Variants in NYNRIN observed in about 807,000 individuals in gnomAD.
The protein encoded by NYNRIN is protein NYNRIN.
In NYNRIN, 86 loss-of-function variants were observed where a neutral mutation model predicts 146.6. The ratio of observed to expected loss-of-function variants is 0.59; its 90% CI spans 0.49 to 0.70. The LOEUF (loss-of-function observed/expected upper bound fraction) is 0.70. NYNRIN is among the 30% of genes least tolerant of loss of function. NYNRIN has a pLI of 0.00. For missense variants in NYNRIN, 2,191 were observed against 2,377.7 expected, an observed-to-expected ratio of 0.92 and a Z score of 1.63; for synonymous variants, 1,027 against 1,001.3, an observed-to-expected ratio of 1.03 and a Z score of -0.48.
At chr14:24,399,520 G>A (rs1341279040) in intron 2 of NYNRIN, 76 bp downstream of exon 2, 3 of 1,333,512 alleles carry the variant, frequency 2.2e-6, no homozygotes, top group Non-Finnish European at 2.1e-6. Context: ...GGAGATGGTG[G>A]TCCGCAGAGA....
In NYNRIN at chr14:24,417,441, C is replaced by A. The variant is rs1280678219; in HGVS notation, c.5692C>A (p.Gln1898Lys). Reference sequence around the variant, plus strand: ...CCCGCTGTCCTTCAAGGTCTTGGAGCAGTGAGCGGGAGCAGCGGGGGTGCC... The same window carrying A: ...CCCGCTGTCCTTCAAGGTCTTGGAGAAGTGAGCGGGAGCAGCGGGGGTGCC... ...GTPLSFKVLE[Q>K] The change falls in exon 9 of 9, where the codon CAG becomes AAG. Residue 1898 changes from glutamine to lysine, a missense_variant. Coordinates refer to ENST00000382554, the MANE Select transcript of NYNRIN (RefSeq NM_025081.3). 6 of 1,484,658 alleles carry A rather than the reference C, an allele frequency of 4.0e-6. No homozygotes were observed. The highest frequency in any genetic ancestry group is 5.4e-6 in the Non-Finnish European group (6 of 1,116,194). 92.0% of individuals were successfully genotyped at this position (1,484,658 alleles called of 1,614,324 possible). A position where few individuals can be genotyped will look rare whatever the true frequency, so the allele number is the denominator to read the frequency against.
rs2042953377 is a variant in NYNRIN at position 24,417,092 on chromosome 14, TGAAGGGCTCAA to T, written c.5346_5356del (p.Glu1782AspfsTer21). 1 of 1,613,426 alleles carries T rather than the reference TGAAGGGCTCAA, an allele frequency of 6.2e-7. No homozygotes were observed. The highest frequency in any genetic ancestry group is 8.5e-7 in the Non-Finnish European group (1 of 1,179,622). On this transcript the variant is annotated frameshift_variant, in exon 9 of 9. Transcript: ENST00000382554. LOFTEE classifies it high-confidence loss of function. ...GGTGGGAGATGAGCAGCGCAAACATTGAAGGGCTCAAGATGGACGTCTTCCTGCTACAGCTG... is the reference window on the plus strand; with the variant it reads ...GGTGGGAGATGAGCAGCGCAAACATTGATGGACGTCTTCCTGCTACAGCTG...
rs776592865 is a variant in NYNRIN at position 24,408,853 on chromosome 14, G to T, written c.1059G>T (p.Gly353=). 1 of 1,614,032 alleles carries T rather than the reference G, an allele frequency of 6.2e-7. No individual in the cohort carries two copies. The highest frequency in any genetic ancestry group is 1.7e-5 in the Admixed American group (1 of 60,020). The change falls in exon 4 of 9, where the codon GGG becomes GGT. Residue 353 remains glycine, a synonymous_variant. Coordinates refer to ENST00000382554, the MANE Select transcript of NYNRIN (RefSeq NM_025081.3). ...VCPPWKAWTP[G]PAFGPLWPGA... ...CACCCTGGAAGGCCTGGACCCCGGG[G>T]CCAGCCTTTGGGCCATTGTGGCCGG... is the stretch of plus-strand genomic sequence containing the variant.
In NYNRIN at chr14:24,408,061, C is replaced by T; in HGVS notation, c.391C>T (p.Gln131Ter). Residue 131 changes from glutamine (Q) to a stop codon, truncating the protein, a stop_gained, in exon 3 of 9, where the codon CAG becomes TAG. Transcript: ENST00000382554. LOFTEE classifies it high-confidence loss of function. ...GCTGACTGAGTCTTTCATCATGACACAGAACTGGCTGGAGGAGCTGGTGGG... is the reference window on the plus strand; with the variant it reads ...GCTGACTGAGTCTTTCATCATGACATAGAACTGGCTGGAGGAGCTGGTGGG... ...GGLTESFIMT[Q>*]NWLEELVGRL... is the part of the protein sequence containing the mutation. 1 of 1,613,920 alleles carries T rather than the reference C, an allele frequency of 6.2e-7. No individual in the cohort carries two copies. The highest frequency in any genetic ancestry group is 8.5e-7 in the Non-Finnish European group (1 of 1,179,884).
chr14:24,413,331 C>A lies in NYNRIN; in HGVS notation c.2760C>A (p.Thr920=). The A allele has an allele frequency of 6.2e-7, 1 of 1,613,076 alleles. No individual in the cohort carries two copies. The change falls in exon 8 of 9, where the codon ACC becomes ACA. Residue 920 remains threonine (T), a synonymous_variant. Transcript: ENST00000382554. The part of the protein sequence containing the change: ...LMVKDRLLPF[T]FAGNLFMVPD... ...CTGGGCCCAGCTTGCTGCCTTTCAC[C>A]TTTGCGGGGAATCTCTTCATGGTGC...
chr14:24,402,194 T>C (rs1232833204), intron 2 of NYNRIN, among the ~76,000 whole-genome samples: 1 of 152,046 alleles, frequency 6.6e-6, no homozygotes, highest in East Asian at 1.9e-4. Flanking sequence ...TTTGTTGTGG[T>C]GGGATTAAAG....
intron 2 of NYNRIN, among the ~76,000 whole-genome samples, chr14:24,402,788 C>A (rs553895044): frequency 6.6e-6 from 1 of 152,298 alleles, no homozygotes; most frequent in East Asian, 1.9e-4. Context: ...CTGAATACTT[C>A]TTTTTCTTTA....
rs760345842 is a variant in NYNRIN at position 24,409,625 on chromosome 14, C to A, written c.1831C>A (p.Pro611Thr). 1 of 1,607,946 alleles carries A rather than the reference C, an allele frequency of 6.2e-7. No homozygotes were observed. Among genetic ancestry groups the A allele is most frequent in the Admixed American group, 1.7e-5 (1 of 59,120 alleles). ...AGCTCAAAAAACAGTTGTGAATCAA[C>A]CAGTGTTGGTAGCTCAAGTGGAACC... Reference protein sequence around the residue: ...ATAQKTVVNQPVLVAQVEPTT... With the variant: ...ATAQKTVVNQTVLVAQVEPTT... Residue 611 changes from proline (P) to threonine (T), a missense_variant, in exon 4 of 9, where the codon CCA (proline) becomes ACA (threonine). Around this residue, in one of 3 missense-constraint regions of NYNRIN, gnomAD observed 895 missense variants for 941.2 expected, o/e 0.95. Coordinates refer to ENST00000382554, the MANE Select transcript of NYNRIN (RefSeq NM_025081.3).
chr14:24,417,264 A>G lies in NYNRIN; in HGVS notation c.5515A>G (p.Arg1839Gly). The change falls in exon 9 of 9, where the codon AGG becomes GGG. Residue 1839 changes from arginine to glycine, a missense_variant. By Grantham distance (125) the Arg-to-Gly change is moderately radical. Coordinates refer to ENST00000382554, the MANE Select transcript of NYNRIN (RefSeq NM_025081.3). ...GDQVLLLSLPRNGSSAKWVGP... is the reference protein window; with the variant it reads ...GDQVLLLSLPGNGSSAKWVGP... ...CCAGGTCCTTTTGCTGTCCCTCCCC[A>G]GGAATGGCAGCAGTGCCAAATGGGT... The G allele has an allele frequency of 6.2e-7, 1 of 1,614,062 alleles. No individual in the cohort carries two copies. The highest frequency in any genetic ancestry group is 8.5e-7 in the Non-Finnish European group (1 of 1,179,886).
Position 24,416,794 on chromosome 14 carries a change from G to T in NYNRIN, c.5045G>T (p.Gly1682Val). Reference protein sequence around the residue: ...GVPVRLEAAQGPQFARHVLVS... With the variant: ...GVPVRLEAAQVPQFARHVLVS... ...CCTGTGAGGCTGGAGGCAGCCCAGG[G>T]GCCCCAGTTTGCCCGGCACGTCCTT... The change falls in exon 9 of 9, where the codon GGG becomes GTG. Residue 1682 changes from glycine to valine, a missense_variant. Transcript: ENST00000382554. 6.2e-7 allele frequency: 1 copy of T among 1,612,966 alleles called. No homozygotes were observed. The highest frequency in any genetic ancestry group is 8.5e-7 in the Non-Finnish European group (1 of 1,179,404).
rs778623911 is a variant in NYNRIN at position 24,409,198 on chromosome 14, A to G, written c.1404A>G (p.Val468=). 1.2e-6 allele frequency: 2 copies of G among 1,613,796 alleles called. No homozygotes were observed. The highest frequency in any genetic ancestry group is 1.7e-5 in the Admixed American group (1 of 59,988). The change falls in exon 4 of 9, where the codon GTA becomes GTG. Residue 468 remains valine, a synonymous_variant. Coordinates refer to ENST00000382554, the MANE Select transcript of NYNRIN (RefSeq NM_025081.3). ...SLLVVPGSSD[V]KDKVSSDLPQ... The stretch of plus-strand genomic sequence containing the variant: ...TGGTGGTCCCTGGGAGCTCAGATGT[A>G]AAAGACAAAGTTAGCTCGGATCTCC...
In NYNRIN at chr14:24,414,715, T is replaced by C; in HGVS notation, c.2966T>C (p.Met989Thr). ...DSGPLESLPN[M>T]EEVREEKEER... is the part of the protein sequence containing the mutation. ...GGGCCCCTGGAGAGTCTGCCGAATATGGAAGAAGTCAGGGAAGAGAAGGAG... is the reference window on the plus strand; with the variant it reads ...GGGCCCCTGGAGAGTCTGCCGAATACGGAAGAAGTCAGGGAAGAGAAGGAG... The change falls in exon 9 of 9, where the codon ATG becomes ACG. Residue 989 changes from methionine to threonine, a missense_variant. Around this residue, in one of 3 missense-constraint regions of NYNRIN, gnomAD observed 1,291 missense variants for 1,417.0 expected, o/e 0.91. Coordinates refer to ENST00000382554, the MANE Select transcript of NYNRIN (RefSeq NM_025081.3). 6.2e-7 allele frequency: 1 copy of C among 1,613,518 alleles called. No individual in the cohort carries two copies. Among genetic ancestry groups the C allele is most frequent in the Non-Finnish European group, 8.5e-7 (1 of 1,179,680 alleles).
chr14:24,408,132 C>T lies in NYNRIN; in HGVS notation c.462C>T (p.Ile154=). ...CCCCTCTGCTGACCCCCCGGGGGAT[C>T]TGGGAGGCTGAGGTGACCCGGGCCT... ...GPAPLLTPRG[I]WEAEVTRAFG... Residue 154 remains isoleucine (I), a synonymous_variant, in exon 3 of 9, where the codon ATC becomes ATT. Transcript: ENST00000382554. 1 of 1,608,552 alleles carries T rather than the reference C, an allele frequency of 6.2e-7. No individual in the cohort carries two copies. The highest frequency in any genetic ancestry group is 8.5e-7 in the Non-Finnish European group (1 of 1,178,584).
intron 2 of NYNRIN, among the ~76,000 whole-genome samples, chr14:24,402,794 CT>C (rs778829585): frequency 1.3e-5 from 2 of 152,160 alleles, no homozygotes; most frequent in Non-Finnish European, 2.9e-5. Flanking sequence ...ACTTCTTTTT[CT>C]TTAAACTTAA....
chr14:24,410,094 G>C lies in NYNRIN; in HGVS notation c.2300G>C (p.Ser767Thr), dbSNP rs2042902712. 6.2e-7 allele frequency: 1 copy of C among 1,613,874 alleles called. No individual in the cohort carries two copies. The highest frequency in any genetic ancestry group is 1.1e-5 in the South Asian group (1 of 91,094). ...CTGCAAGCGAACAGCACAGTGACCA[G>C]CTTCCAGAGGTACCACGAGGCCCTG... ...RHLQANSTVT[S>T]FQRYHEALNT... Residue 767 changes from serine (S) to threonine (T), a missense_variant, in exon 4 of 9, where the codon AGC becomes ACC. Ser to Thr is a moderately conservative substitution (Grantham distance 58). Coordinates refer to ENST00000382554, the MANE Select transcript of NYNRIN (RefSeq NM_025081.3).
rs767829132 is a variant in NYNRIN at position 24,417,084 on chromosome 14, G to A, written c.5335G>A (p.Ala1779Thr). 4.4e-5 allele frequency: 71 copies of A among 1,613,342 alleles called. No homozygotes were observed. The highest frequency in any genetic ancestry group is 5.5e-5 in the Non-Finnish European group (65 of 1,179,572). The change falls in exon 9 of 9, where the codon GCA becomes ACA. Residue 1779 changes from alanine to threonine, a missense_variant. Ala to Thr is a moderately conservative substitution (Grantham distance 58). This residue lies in a region of NYNRIN where 1,291 missense variants were observed against 1,417.0 expected (regional missense o/e 0.91). Coordinates refer to ENST00000382554, the MANE Select transcript of NYNRIN (RefSeq NM_025081.3). ...TEPLWWEMSS[A>T]NIEGLKMDVF... ...GCCCCTGTGGTGGGAGATGAGCAGC[G>A]CAAACATTGAAGGGCTCAAGATGGA...
intron 1 of NYNRIN, 64 bp downstream of exon 1, chr14:24,399,150 T>C (rs1036822558): frequency 4.7e-5 from 55 of 1,172,242 alleles, no homozygotes; most frequent in Non-Finnish European, 5.7e-5. Flanking sequence ...GGAGGGGGCG[T>C]GGCTTAGGCG....
chr14:24,408,021 C>T lies in NYNRIN; in HGVS notation c.351C>T (p.Ser117=). Reference sequence around the variant, plus strand: ...ACCTGGTGCCTGGCCCCCCTGGCTCCCTGATGGTGGGCGGGCTGACTGAGT... The same window carrying T: ...ACCTGGTGCCTGGCCCCCCTGGCTCTCTGATGGTGGGCGGGCTGACTGAGT... ...LAYLVPGPPG[S]LMVGGLTESF... The change falls in exon 3 of 9, where the codon TCC becomes TCT. Residue 117 remains serine (S), a synonymous_variant. Coordinates refer to ENST00000382554, the MANE Select transcript of NYNRIN (RefSeq NM_025081.3). 6.2e-7 allele frequency: 1 copy of T among 1,614,004 alleles called. No individual in the cohort carries two copies. Among genetic ancestry groups the T allele is most frequent in the Non-Finnish European group, 8.5e-7 (1 of 1,179,878 alleles).
chr14:24,406,013 T>C (rs1168629726), intron 2 of NYNRIN, among the ~76,000 whole-genome samples: 1 of 151,502 alleles, frequency 6.6e-6, no homozygotes, highest in Non-Finnish European at 1.5e-5. Flanking sequence ...AATACAAAAA[T>C]TAGCCGGGCA....
Sources: gnomAD v4.1 joint callset for allele counts (sites outside exome capture counted in the v4.1 genomes callset) on GRCh38, gnomAD v4.1.1 for gene constraint, gnomAD v4.1.1 regional missense constraint, MANE v1.5 for transcripts, NCBI Gene and HGNC (gene_info 2026-07-23, HGNC 2026-07-21) for gene names.